The following GRIPAP1 variants were observed in gnomAD, a reference collection of about 807,000 sequenced individuals.
GRIPAP1 encodes the protein GRIP1 associated protein 1.
GRIPAP1 carries 14 observed loss-of-function variants against 84.1 expected under a neutral mutation model. That is an observed-to-expected ratio of 0.17 (90% CI 0.11 to 0.26). GRIPAP1 has a LOEUF of 0.26. Among genes scored for constraint, GRIPAP1 ranks in the 10% least tolerant of loss-of-function variants. GRIPAP1 has a pLI of 1.00. For synonymous variants in GRIPAP1, 261 were observed against 256.8 expected (o/e 1.02, Z -0.15); for missense variants, 518 against 674.2 (o/e 0.77, Z 2.57).
rs1402854537 is a variant in GRIPAP1, at chrX:48,973,905, T to C, written c.*288A>G. On this transcript the variant is annotated 3_prime_UTR_variant, in exon 26 of 26. Transcript: ENST00000376423. ...ATAAAATAAAATAAAATAAAAAGAG[T>C]TGGTCTCTGGGAAGGAGAGCTCATG... 2.5e-5 allele frequency: 6 copies of C among 240,642 alleles called. No homozygotes were observed. The highest frequency in any genetic ancestry group is 4.4e-5 in the Non-Finnish European group (6 of 137,620). 19.8% of individuals were successfully genotyped at this position (240,642 alleles called of 1,213,427 possible). A position where few individuals can be genotyped will look rare whatever the true frequency, so the allele number is the denominator to read the frequency against.
chrX:48,989,638 C>T lies in GRIPAP1; in HGVS notation c.843G>A (p.Leu281=), dbSNP rs1557064862. ...GATTGGCAGCCTCAAGTTCCTGCTG[C>T]AGCTTCTGGGTTCGAGCCAACTGGG... ...HKAQLARTQK[L]QQELEAANQS... The change falls in exon 11 of 26, where the codon CTG becomes CTA. Residue 281 remains leucine, a synonymous_variant. Coordinates refer to ENST00000376423, the MANE Select transcript of GRIPAP1 (RefSeq NM_020137.5). 1 of 1,203,032 alleles carries T rather than the reference C, an allele frequency of 8.3e-7. No individual in the cohort carries two copies. The highest frequency in any genetic ancestry group is 3.0e-5 in the East Asian group (1 of 33,837).
chrX:48,999,485 C>T lies in GRIPAP1; in HGVS notation c.62G>A (p.Arg21Gln). The T allele has an allele frequency of 1.7e-6, 2 of 1,206,060 alleles. No homozygotes were observed. The highest frequency in any genetic ancestry group is 2.2e-6 in the Non-Finnish European group (2 of 890,620). Reference sequence around the variant, plus strand: ...ATCTGAAAGCTGGTAGTTGTTTGTCCGGAGTTCCAGGAGCTGAGCCTTTGG... The same window carrying T: ...ATCTGAAAGCTGGTAGTTGTTTGTCTGGAGTTCCAGGAGCTGAGCCTTTGG... ...QRMQAQLLEL[R>Q]TNNYQLSDEL... Residue 21 changes from arginine (R) to glutamine (Q), a missense_variant, in exon 2 of 26, where the codon CGG becomes CAG. Physicochemically the swap from Arg to Gln is conservative, Grantham distance 43. Around this residue, in one of 5 missense-constraint regions of GRIPAP1, gnomAD observed 372 missense variants for 458.1 expected, o/e 0.81. Coordinates refer to ENST00000376423, the MANE Select transcript of GRIPAP1 (RefSeq NM_020137.5).
At position 48,999,502 on chromosome X, in the gene GRIPAP1, A is replaced by C. The variant is rs782082794; in HGVS notation, c.45T>G (p.Ala15=). ...LSEEEFQRMQ[A]QLLELRTNNY... is the part of the protein sequence containing the mutation. ...TGTTTGTCCGGAGTTCCAGGAGCTG[A>C]GCCTTTGGGGGAGGCAGGAAGGGAA... The change falls in exon 2 of 26, where the codon GCT becomes GCG. Residue 15 remains alanine, a splice_region_variant and synonymous_variant. Coordinates refer to ENST00000376423, the MANE Select transcript of GRIPAP1 (RefSeq NM_020137.5). 5.0e-6 allele frequency: 6 copies of C among 1,197,738 alleles called. No homozygotes were observed. In the South Asian group the frequency reaches 1.1e-4, roughly 21 times the overall value.
Position 49,002,230 on chromosome X carries a change from G to A in GRIPAP1, c.-1C>T, listed in dbSNP as rs782269039. The A allele has an allele frequency of 6.1e-6, 7 of 1,146,617 alleles. No individual in the cohort carries two copies. In the South Asian group the frequency reaches 1.3e-4, roughly 21 times the overall value. 94.5% of individuals were successfully genotyped at this position (1,146,617 alleles called of 1,213,427 possible). A position where few individuals can be genotyped will look rare whatever the true frequency, so the allele number is the denominator to read the frequency against. ...CCTCCTCAGACAGAGCTTGCGCCAT[G>A]TTCCTCCCCCCACCCCCCCGCCAGC... is the stretch of plus-strand genomic sequence containing the variant. On this transcript the variant is annotated 5_prime_UTR_variant, in exon 1 of 26. Transcript: ENST00000376423.
chrX:48,978,347 C>A lies in GRIPAP1; in HGVS notation c.2019G>T (p.Arg673=), dbSNP rs2064434188. The change falls in exon 22 of 26, where the codon CGG becomes CGT. Residue 673 remains arginine (R), a synonymous_variant. Transcript: ENST00000376423. ...AGCTCTCCTTTTCCCGCAAGATCTCCCGGTAGCTGAAGGAGGAGATGCTAC... is the reference window on the plus strand; with the variant it reads ...AGCTCTCCTTTTCCCGCAAGATCTCACGGTAGCTGAAGGAGGAGATGCTAC... The part of the protein sequence containing the change: ...DSSSISSFSY[R]EILREKESSA... 1 of 1,209,370 alleles carries A rather than the reference C, an allele frequency of 8.3e-7. No individual in the cohort carries two copies. The highest frequency in any genetic ancestry group is 1.1e-6 in the Non-Finnish European group (1 of 894,187).
chrX:48,998,258 C>T lies in GRIPAP1; in HGVS notation c.172-78G>A. 3 of 729,891 alleles carry T rather than the reference C, an allele frequency of 4.1e-6. No individual in the cohort carries two copies. In the South Asian group the frequency reaches 7.3e-5, roughly 18 times the overall value. The allele number at this position is 729,891 out of a possible 1,213,427, so 60.2% of individuals were successfully genotyped here. Reference sequence around the variant, plus strand: ...TTACTAGGATATGGAGACAATTGTGCCAAGCGTTTTGGGAGGACAAGGATG... The same window carrying T: ...TTACTAGGATATGGAGACAATTGTGTCAAGCGTTTTGGGAGGACAAGGATG... On this transcript the variant is annotated intron_variant, in intron 3 of 25. Coordinates refer to ENST00000376423, the MANE Select transcript of GRIPAP1 (RefSeq NM_020137.5).
At chrX:48,979,426 G>A (rs1356655340) in intron 21 of GRIPAP1, among the ~76,000 whole-genome samples, 15 of 73,809 alleles carry the variant, frequency 2.0e-4, no homozygotes, top group Non-Finnish European at 2.8e-4. Context: ...GCAGTGAGCC[G>A]AGATCGCGCC....
At chrX:48,995,578 C>T (rs1488626094) in intron 5 of GRIPAP1, among the ~76,000 whole-genome samples, 2 of 111,033 alleles carry the variant, frequency 1.8e-5, no homozygotes, top group African/African-American at 6.5e-5. Flanking sequence ...CAAAGCAGGG[C>T]CACAGGGTGG....
At chrX:48,980,339 T>C (rs1261396531) in intron 21 of GRIPAP1, among the ~76,000 whole-genome samples, 6 of 109,290 alleles carry the variant, frequency 5.5e-5, no homozygotes, top group Non-Finnish European at 9.5e-5. Flanking sequence ...TTGCTGACTA[T>C]GTATAAGTCT....
intron 22 of GRIPAP1, chrX:48,977,506 T>C (rs2054358530): frequency 9.4e-6 from 1 of 106,766 alleles, no homozygotes; most frequent in Non-Finnish European, 1.9e-5. Context: ...TGTATTTTAG[T>C]AGAGATGAGG....
At chrX:48,996,731 G>A (rs1326694479) in intron 5 of GRIPAP1, among the ~76,000 whole-genome samples, 2 of 111,670 alleles carry the variant, frequency 1.8e-5, no homozygotes, top group African/African-American at 6.5e-5. Flanking sequence ...AGATAGATGA[G>A]GGAACAAAAG....
At chrX:48,989,797 C>T in intron 10 of GRIPAP1, 38 bp downstream of exon 10, 1 of 1,181,357 alleles carries the variant, frequency 8.5e-7, no homozygotes. Context: ...TGGGCACTGT[C>T]CCAATTGTCC....
intron 5 of GRIPAP1, among the ~76,000 whole-genome samples, chrX:48,993,842 C>T (rs782811163): frequency 9.0e-6 from 1 of 111,555 alleles, no homozygotes; most frequent in South Asian, 3.7e-4. Flanking sequence ...TTTTCCTCTT[C>T]CTACTCCCAA....
chrX:48,991,044 G>A lies in GRIPAP1; in HGVS notation c.524C>T (p.Pro175Leu). The part of the protein sequence containing the change: ...FSAVSEGQGD[P>L]PGGLAPTVLA... Reference sequence around the variant, plus strand: ...GACGGTGGGGGCCAGGCCCCCTGGGGGATCCCCCTGGCCCTCACTGACAGC... The same window carrying A: ...GACGGTGGGGGCCAGGCCCCCTGGGAGATCCCCCTGGCCCTCACTGACAGC... Residue 175 changes from proline (P) to leucine (L), a missense_variant, in exon 7 of 26, where the codon CCC becomes CTC. By Grantham distance (98) the Pro-to-Leu change is moderately conservative. Around this residue, in one of 5 missense-constraint regions of GRIPAP1, gnomAD observed 372 missense variants for 458.1 expected, o/e 0.81. Transcript: ENST00000376423. The A allele has an allele frequency of 8.3e-7, 1 of 1,200,624 alleles. No homozygotes were observed. The highest frequency in any genetic ancestry group is 1.1e-6 in the Non-Finnish European group (1 of 885,491).
intron 8 of GRIPAP1, 59 bp from the exon 9 acceptor site, chrX:48,990,062 A>G: frequency 1.1e-6 from 1 of 928,771 alleles, no homozygotes; most frequent in East Asian, 3.3e-5. Flanking sequence ...ACAAACCTAA[A>G]ATTAATAAAT....
rs192047443 is a variant in GRIPAP1 at position 48,993,383 on chromosome X, C to G, written c.457+45G>C. ...GAGGATGACGGCCTTCCTTGCCCTACTCAAGCCCCAATGTCTCCGCATCCC... is the reference window on the plus strand; with the variant it reads ...GAGGATGACGGCCTTCCTTGCCCTAGTCAAGCCCCAATGTCTCCGCATCCC... On this transcript the variant is annotated intron_variant, in intron 6 of 25. Coordinates refer to ENST00000376423, the MANE Select transcript of GRIPAP1 (RefSeq NM_020137.5). 6.2e-3 allele frequency: 6,781 copies of G among 1,084,988 alleles called. 23 individuals carry two copies. Among genetic ancestry groups the G allele is most frequent in the Non-Finnish European group, 7.4e-3 (6,121 of 821,868 alleles). 89.4% of individuals were successfully genotyped at this position (1,084,988 alleles called of 1,213,427 possible).
chrX:48,999,452 C>A lies in GRIPAP1; in HGVS notation c.95G>T (p.Arg32Leu), dbSNP rs377433897. ...TCCTGGCTCACCAACACCATTCTTGCGTAGTTCATCTGAAAGCTGGTAGTT... is the reference window on the plus strand; with the variant it reads ...TCCTGGCTCACCAACACCATTCTTGAGTAGTTCATCTGAAAGCTGGTAGTT... The part of the protein sequence containing the change: ...TNNYQLSDEL[R>L]KNGVELTSLR... Residue 32 changes from arginine (R) to leucine (L), a missense_variant, in exon 2 of 26, where the codon CGC becomes CTC. Physicochemically the swap from Arg to Leu is moderately radical, Grantham distance 102. Coordinates refer to ENST00000376423, the MANE Select transcript of GRIPAP1 (RefSeq NM_020137.5). 1 of 1,203,294 alleles carries A rather than the reference C, an allele frequency of 8.3e-7. No homozygotes were observed. Among genetic ancestry groups the A allele is most frequent in the South Asian group, 1.8e-5 (1 of 56,724 alleles).
In GRIPAP1 at chrX:48,997,936, G is replaced by C. The variant is rs782641620; in HGVS notation, c.198+218C>G. ...AGGAAAACAGACAGAGACAGAAAGAGACTCAGAGAAAAGAATGGAAAGAGA... is the reference window on the plus strand; with the variant it reads ...AGGAAAACAGACAGAGACAGAAAGACACTCAGAGAAAAGAATGGAAAGAGA... On this transcript the variant is annotated intron_variant, in intron 4 of 25. Transcript: ENST00000376423. 8 of 432,087 alleles carry C rather than the reference G, an allele frequency of 1.9e-5. No homozygotes were observed. In the South Asian group the frequency reaches 2.8e-4, roughly 15 times the overall value. The allele number at this position is 432,087 out of a possible 1,213,427, so 35.6% of individuals were successfully genotyped here.
chrX:48,983,166 A>T (rs1435433152), intron 16 of GRIPAP1, 62 bp downstream of exon 16: 2 of 1,140,101 alleles, frequency 1.8e-6, no homozygotes, highest in Non-Finnish European at 2.4e-6. Flanking sequence ...CCACTGGCCT[A>T]TCAGCAACGC....
Sources: allele counts gnomAD v4.1 joint callset (sites outside exome capture counted in the v4.1 genomes callset), GRCh38; gene constraint gnomAD v4.1.1; regional missense constraint gnomAD v4.1.1; transcripts MANE v1.5; gene names NCBI Gene and HGNC (gene_info 2026-07-23, HGNC 2026-07-21).